The following SLC28A1 variants were observed in gnomAD, a reference collection of about 807,000 sequenced individuals.
The protein encoded by SLC28A1 is solute carrier family 28 member 1.
SLC28A1 carries 64 observed loss-of-function variants against 74.8 expected under a neutral mutation model. The ratio of observed to expected loss-of-function variants is 0.86; its 90% CI spans 0.70 to 1.05. The LOEUF is 1.05. Ranked by LOEUF, SLC28A1 falls within the 50% of genes least tolerant of loss-of-function variation. SLC28A1 has a pLI of 0.00. For synonymous variants in SLC28A1, 359 were observed against 335.0 expected (o/e 1.07, Z -0.78); for missense variants, 828 against 822.8 (o/e 1.01, Z -0.08).
At chr15:84,927,614 G>A (rs942542177) in intron 12 of SLC28A1, among the ~76,000 whole-genome samples, 1 of 152,164 alleles carries the variant, frequency 6.6e-6, no homozygotes, top group African/African-American at 2.4e-5. Flanking sequence ...TTTTTACCCA[G>A]AAAGGCAGAG....
intron 13 of SLC28A1, 32 bp from the exon 14 acceptor site, chr15:84,934,994 C>G: frequency 6.2e-7 from 1 of 1,601,816 alleles, no homozygotes; most frequent in Non-Finnish European, 8.6e-7. Flanking sequence ...TGGAGACAGG[C>G]CAGTAATGAT....
Position 84,944,581 on chromosome 15 carries a change from A to G in SLC28A1, c.1679A>G (p.Gln560Arg). 1 of 1,613,700 alleles carries G rather than the reference A, an allele frequency of 6.2e-7. No individual in the cohort carries two copies. Among genetic ancestry groups the G allele is most frequent in the Admixed American group, 1.7e-5 (1 of 60,026 alleles). ...CCCCTTGCAGCCTCCATGGTCCCCCAACGGAAGAGCGACTTCTCCCAGATA... is the reference window on the plus strand; with the variant it reads ...CCCCTTGCAGCCTCCATGGTCCCCCGACGGAAGAGCGACTTCTCCCAGATA... ...MLGGLTSMVP[Q>R]RKSDFSQIVL... Residue 560 changes from glutamine to arginine, a missense_variant, in exon 17 of 19, where the codon CAA becomes CGA. Gln to Arg is a conservative substitution (Grantham distance 43, BLOSUM62 1). Coordinates refer to ENST00000394573, the MANE Select transcript of SLC28A1 (RefSeq NM_004213.5).
chr15:84,914,394 G>A (rs1014899516), intron 9 of SLC28A1, among the ~76,000 whole-genome samples: 5 of 152,166 alleles, frequency 3.3e-5, no homozygotes, highest in Non-Finnish European at 7.3e-5. Flanking sequence ...TTCCAGCAGG[G>A]ATGCATGCTG....
rs910889425 is a variant in SLC28A1, at chr15:84,900,035, G to A, written c.462-4062G>A. The stretch of plus-strand genomic sequence containing the variant: ...AGGCAGGCAGGCAAGCAAGCCTGCC[G>A]GCCAGGTGTGGTAGCTCGTGTCTAT... On this transcript the variant is annotated intron_variant, in intron 6 of 18. Coordinates refer to ENST00000394573, the MANE Select transcript of SLC28A1 (RefSeq NM_004213.5). Among the ~76,000 whole-genome samples the A allele has an allele frequency of 5.9e-5, 9 of 152,078 alleles. 1 individual carries two copies. Among genetic ancestry groups the A allele is most frequent in the Non-Finnish European group, 2.9e-5 (2 of 67,978 alleles).
At chr15:84,926,442 A>G (rs949508210) in intron 12 of SLC28A1, 1 of 411,058 alleles carries the variant, frequency 2.4e-6, no homozygotes, top group Non-Finnish European at 4.8e-6. Context: ...GGCTCAAGCA[A>G]TCCTCCTGCC....
chr15:84,935,216 T>G (rs1431308093), intron 14 of SLC28A1, 22 bp downstream of exon 14: 17 of 1,613,522 alleles, frequency 1.1e-5, no homozygotes, highest in Non-Finnish European at 1.4e-5. Context: ...GCCACCACAC[T>G]CAGTCTGTAG....
chr15:84,935,599 C>CG (rs1971793971), intron 15 of SLC28A1, 81 bp downstream of exon 15: 1 of 1,242,948 alleles, frequency 8.0e-7, no homozygotes, highest in Admixed American at 1.7e-5. Context: ...GCTGCTCTCC[C>CG]GCTCCCTGGG....
At chr15:84,928,679 A>C (rs1328017062) in intron 12 of SLC28A1, among the ~76,000 whole-genome samples, 3 of 145,744 alleles carry the variant, frequency 2.1e-5, no homozygotes, top group Admixed American at 1.4e-4. Context: ...GCTGGAGTGC[A>C]GTGGCTCAAT....
At chr15:84,939,863 C>T (rs1315713046) in intron 15 of SLC28A1, 2 of 152,146 alleles carry the variant, frequency 1.3e-5, no homozygotes, top group Admixed American at 6.5e-5. Flanking sequence ...CTCACTTTGT[C>T]ACCCAGGCTG....
At chr15:84,932,994 TTA>T in intron 12 of SLC28A1, 149 bp from the exon 13 acceptor site, 1 of 246,770 alleles carries the variant, frequency 4.1e-6, no homozygotes, top group Non-Finnish European at 6.1e-6. Context: ...ATAAAAGGTA[TTA>T]TTATTATTAG....
chr15:84,956,390 G>A, the SLC28A1 span, among the ~76,000 whole-genome samples: 2 of 149,246 alleles, frequency 1.3e-5, no homozygotes, highest in Admixed American at 6.6e-5. Flanking sequence ...CCTATCTTGC[G>A]CATTTTTCTC....
chr15:84,927,835 C>G (rs1177123943), intron 12 of SLC28A1, among the ~76,000 whole-genome samples: 1 of 152,108 alleles, frequency 6.6e-6, no homozygotes, highest in South Asian at 2.1e-4. Flanking sequence ...AGAGTCCCAG[C>G]AGAAGGAATT....
At chr15:84,939,382 G>A (rs1337496980) in intron 15 of SLC28A1, among the ~76,000 whole-genome samples, 1 of 151,742 alleles carries the variant, frequency 6.6e-6, no homozygotes, top group Non-Finnish European at 1.5e-5. Flanking sequence ...GGGAGGGAGG[G>A]AAAAAGACAG....
At chr15:84,893,052 C>T (rs781571223) in intron 5 of SLC28A1, among the ~76,000 whole-genome samples, 5 of 152,084 alleles carry the variant, frequency 3.3e-5, no homozygotes, top group Non-Finnish European at 7.4e-5. Context: ...CCTGAGTCCC[C>T]ATCCTGGCCT....
chr15:84,905,617 T>C lies in SLC28A1; in HGVS notation c.682T>C (p.Phe228Leu). 1.2e-6 allele frequency: 2 copies of C among 1,614,022 alleles called. No individual in the cohort carries two copies. The highest frequency in any genetic ancestry group is 1.6e-4 in the Middle Eastern group (1 of 6,062). Residue 228 changes from phenylalanine to leucine, a missense_variant, in exon 8 of 19, where the codon TTC becomes CTC. By Grantham distance (22) the Phe-to-Leu change is conservative. This residue lies in a region of SLC28A1 where 767 missense variants were observed against 753.5 expected (regional missense o/e 1.02). Coordinates refer to ENST00000394573, the MANE Select transcript of SLC28A1 (RefSeq NM_004213.5). The stretch of plus-strand genomic sequence containing the variant: ...CCTCGTCATCAGAACAGAACCAGGA[T>C]TCATTGCGTTCGAGTGGCTGGGCGA... ...GLLVIRTEPG[F>L]IAFEWLGEQI...
chr15:84,920,727 T>C (rs1158745766), intron 10 of SLC28A1, among the ~76,000 whole-genome samples: 2 of 151,360 alleles, frequency 1.3e-5, no homozygotes, highest in African/African-American at 4.9e-5. Flanking sequence ...TGTGTGTGCA[T>C]TTCACAATTC....
At chr15:84,956,742 C>T in the SLC28A1 span, among the ~76,000 whole-genome samples, 4 of 150,378 alleles carry the variant, frequency 2.7e-5, no homozygotes, top group South Asian at 6.3e-4. Context: ...TGAGCTCAAG[C>T]AATTTTCCTG....
the SLC28A1 span, among the ~76,000 whole-genome samples, chr15:84,965,139 T>C: frequency 6.6e-6 from 1 of 152,188 alleles, no homozygotes; most frequent in Non-Finnish European, 1.5e-5. Context: ...GTTACCCCCA[T>C]GCTGTTCTCA....
Position 84,908,758 on chromosome 15 carries a change from T to C in SLC28A1, c.758T>C (p.Phe253Ser), listed in dbSNP as rs762965574. 26 of 1,613,960 alleles carry C rather than the reference T, an allele frequency of 1.6e-5. No homozygotes were observed. Among genetic ancestry groups the C allele is most frequent in the Non-Finnish European group, 2.1e-5 (25 of 1,180,024 alleles). Reference sequence around the variant, plus strand: ...ACGAAGGCTGGCTCCAGCTTCGTGTTTGGGGAGGCGCTGGTCAAGGATGTC... The same window carrying C: ...ACGAAGGCTGGCTCCAGCTTCGTGTCTGGGGAGGCGCTGGTCAAGGATGTC... ...SYTKAGSSFV[F>S]GEALVKDVFA... is the part of the protein sequence containing the mutation. The change falls in exon 9 of 19, where the codon TTT becomes TCT. Residue 253 changes from phenylalanine (F) to serine (S), a missense_variant. Phe to Ser is a radical substitution (Grantham distance 155). Coordinates refer to ENST00000394573, the MANE Select transcript of SLC28A1 (RefSeq NM_004213.5).
Sources: gnomAD v4.1 joint callset for allele counts (sites outside exome capture counted in the v4.1 genomes callset) on GRCh38, gnomAD v4.1.1 for gene constraint, gnomAD v4.1.1 regional missense constraint, MANE v1.5 for transcripts, NCBI Gene and HGNC (gene_info 2026-07-23, HGNC 2026-07-21) for gene names.